Variants in DNMT1 observed in about 807,000 individuals in gnomAD.
DNMT1 encodes the protein DNA (cytosine-5)-methyltransferase 1.
Under a neutral mutation model 205.3 loss-of-function variants are expected in DNMT1, and 24 were observed. The observed-to-expected ratio is 0.12, with a 90% CI of 0.08 to 0.16. The LOEUF (loss-of-function observed/expected upper bound fraction) is 0.16, where lower values mean the gene tolerates loss of function less well. DNMT1 is among the 10% of genes least tolerant of loss of function. The pLI, the probability that DNMT1 is intolerant of heterozygous loss-of-function variation, is 1.00. For missense variants in DNMT1, 1,293 were observed against 2,177.7 expected (o/e 0.59, Z 8.09); for synonymous variants, 817 against 839.8 (o/e 0.97, Z 0.47).
chr19:10,176,236 T>C (rs577222962), intron 6 of DNMT1, among the ~76,000 whole-genome samples: 11 of 151,184 alleles, frequency 7.3e-5, no homozygotes, highest in Admixed American at 3.3e-4. Context: ...ATCCTATCAG[T>C]TTATAGGGAA....
Position 10,174,011 on chromosome 19 carries a change from G to T in DNMT1, c.649-106C>A, listed in dbSNP as rs567498558. On this transcript the variant is annotated intron_variant, in intron 7 of 40. Transcript: ENST00000359526. ...TATTAACACATTTGACATGGTTAGAGCAAGAGTGGGAAAAGAAGGGGCCTG... is the reference window on the plus strand; with the variant it reads ...TATTAACACATTTGACATGGTTAGATCAAGAGTGGGAAAAGAAGGGGCCTG... 2.3e-5 allele frequency: 27 copies of T among 1,155,916 alleles called. 1 individual carries two copies. The highest frequency in any genetic ancestry group is 2.1e-4 in the African/African-American group (14 of 65,484). The allele number at this position is 1,155,916 out of a possible 1,614,324, so 71.6% of individuals were successfully genotyped here.
At chr19:10,165,111 A>T (rs8102368) in intron 11 of DNMT1, among the ~76,000 whole-genome samples, 116,383 of 151,016 alleles carry the variant, frequency 0.77, 45,160 homozygotes, top group East Asian at 0.88. Context: ...ACAAAAAATT[A>T]AAAAAAAAAA....
chr19:10,183,127 T>A (rs75791454), intron 1 of DNMT1, among the ~76,000 whole-genome samples: 17,642 of 100,766 alleles, frequency 0.18, 1,423 homozygotes, highest in African/African-American at 0.31. Context: ...ATATATATAT[T>A]TTTTTTTTTT....
chr19:10,182,361 G>A lies in DNMT1; in HGVS notation c.81-284C>T, dbSNP rs571094431. 1.2e-4 allele frequency among the ~76,000 whole-genome samples: 18 copies of A among 147,670 alleles called. No individual in the cohort carries two copies. In the East Asian group the frequency reaches 2.5e-3, roughly 21 times the overall value. On this transcript the variant is annotated intron_variant, in intron 1 of 40. Coordinates refer to ENST00000359526, the MANE Select transcript of DNMT1 (RefSeq NM_001130823.3). ...AGCTCTGTAACACAATTATGTGTAT[G>A]TGTGTGTGTGTGTATATATATACAT... is the stretch of plus-strand genomic sequence containing the variant.
In DNMT1 at chr19:10,137,822, G is replaced by A. The variant is rs1253945228; in HGVS notation, c.4293+10C>T. The A allele has an allele frequency of 3.1e-6, 5 of 1,612,142 alleles. No homozygotes were observed. The highest frequency in any genetic ancestry group is 2.7e-5 in the African/African-American group (2 of 75,000). ...CTCGAGGAGGAGCCGCTCTGTCAGGGTGCCATTACCTTACAGATGTGGTCC... is the reference window on the plus strand; with the variant it reads ...CTCGAGGAGGAGCCGCTCTGTCAGGATGCCATTACCTTACAGATGTGGTCC... On this transcript the variant is annotated intron_variant, in intron 36 of 40. Coordinates refer to ENST00000359526, the MANE Select transcript of DNMT1 (RefSeq NM_001130823.3). The surrounding 1 kb of genome is among the most constrained non-coding windows in gnomAD (Gnocchi z 6.4).
intron 22 of DNMT1, among the ~76,000 whole-genome samples, chr19:10,153,179 A>C (rs1326785466): frequency 2.0e-5 from 3 of 152,188 alleles, no homozygotes; most frequent in African/African-American, 7.2e-5. Flanking sequence ...CACTCGCGAG[A>C]AGCTTTGCTC....
At chr19:10,136,782 A>C (rs2089491252) in intron 37 of DNMT1, among the ~76,000 whole-genome samples, 1 of 141,732 alleles carries the variant, frequency 7.1e-6, no homozygotes, top group Non-Finnish European at 1.5e-5. Context: ...TTTTAGAGAC[A>C]GGGTCTCACT....
intron 1 of DNMT1, among the ~76,000 whole-genome samples, chr19:10,192,690 A>G (rs1487870447): frequency 1.3e-5 from 2 of 152,206 alleles, no homozygotes; most frequent in Non-Finnish European, 2.9e-5. Flanking sequence ...TCATAATTTC[A>G]CTTCCATTCC....
chr19:10,174,289 G>A (rs577624729), intron 7 of DNMT1, among the ~76,000 whole-genome samples: 2 of 152,180 alleles, frequency 1.3e-5, no homozygotes, highest in African/African-American at 2.4e-5. Context: ...ATTGGCATGC[G>A]CCTGTAGTCC....
At chr19:10,143,382 G>GTA (rs2089640996) in intron 29 of DNMT1, among the ~76,000 whole-genome samples, 4 of 135,486 alleles carry the variant, frequency 3.0e-5, no homozygotes, top group East Asian at 2.6e-4. Flanking sequence ...CGCCCAGCTA[G>GTA]TCTTTTTTTT....
chr19:10,150,120 C>A, intron 24 of DNMT1, 152 bp from the exon 25 acceptor site: 1 of 730,990 alleles, frequency 1.4e-6, no homozygotes, highest in Non-Finnish European at 2.4e-6. Flanking sequence ...TCCTGTTCTA[C>A]AAGGGCTTCA....
intron 9 of DNMT1, among the ~76,000 whole-genome samples, chr19:10,168,629 T>C (rs1333820670): frequency 6.6e-6 from 1 of 152,158 alleles, no homozygotes; most frequent in Non-Finnish European, 1.5e-5. Flanking sequence ...AATGAAACTC[T>C]TAGAAAGGAG....
At chr19:10,172,775 TC>T (rs2038849124) in intron 9 of DNMT1, among the ~76,000 whole-genome samples, 1 of 151,840 alleles carries the variant, frequency 6.6e-6, no homozygotes. Flanking sequence ...AGATCGCACC[TC>T]TGTACTCATT....
intron 5 of DNMT1, among the ~76,000 whole-genome samples, chr19:10,179,553 C>T (rs936553444): frequency 8.6e-5 from 13 of 151,936 alleles, no homozygotes; most frequent in African/African-American, 3.1e-4. Flanking sequence ...AATTTAAAGA[C>T]GTACACATCT....
chr19:10,186,301 G>A (rs2039178804), intron 1 of DNMT1, among the ~76,000 whole-genome samples: 2 of 152,184 alleles, frequency 1.3e-5, no homozygotes, highest in Non-Finnish European at 2.9e-5. Flanking sequence ...TGGCCCCAGA[G>A]TGGCAGGTGG....
At chr19:10,178,751 A>C (rs1186807548) in intron 5 of DNMT1, 1 of 151,834 alleles carries the variant, frequency 6.6e-6, no homozygotes, top group Non-Finnish European at 1.5e-5. Context: ...CAAAAATAAT[A>C]ATAAAATAAA....
rs561428495 is a variant in DNMT1 at position 10,155,117 on chromosome 19, A to C, written c.1493-61T>G. 9.5e-5 allele frequency: 153 copies of C among 1,608,178 alleles called. 1 individual carries two copies. The East Asian group carries it at 3.4e-3, about 36-fold the overall frequency. ...GAATCTGATGGCGCCTACAGTGGCC[A>C]CAGGGCATGGAGGAGTCTACCAAAC... On this transcript the variant is annotated intron_variant, in intron 19 of 40. Transcript: ENST00000359526.
chr19:10,140,363 C>G lies in DNMT1; in HGVS notation c.3524-35G>C, dbSNP rs530627001. 6 of 1,608,190 alleles carry G rather than the reference C, an allele frequency of 3.7e-6. No homozygotes were observed. The highest frequency in any genetic ancestry group is 5.1e-6 in the Non-Finnish European group (6 of 1,179,396). On this transcript the variant is annotated intron_variant, in intron 32 of 40. Transcript: ENST00000359526. The surrounding 1 kb of genome is among the most constrained non-coding windows in gnomAD (Gnocchi z 8.4). ...CAAGCACGAAGCCATGCTTTCAACT[C>G]TCCAGAAGATTTTTTTTTTTTTTTG...
intron 1 of DNMT1, among the ~76,000 whole-genome samples, chr19:10,187,636 G>A (rs937894176): frequency 2.0e-5 from 3 of 149,888 alleles, no homozygotes; most frequent in Admixed American, 6.7e-5. Context: ...TCAGGAGGCC[G>A]AGGCGGAAGG....
Sources: gnomAD v4.1 joint callset for allele counts (sites outside exome capture counted in the v4.1 genomes callset) on GRCh38, gnomAD v4.1.1 for gene constraint, Gnocchi (gnomAD v3.1) non-coding constraint, MANE v1.5 for transcripts, NCBI Gene and HGNC (gene_info 2026-07-23, HGNC 2026-07-21) for gene names.